Variants in PLXNC1 observed in about 807,000 individuals in gnomAD.
The protein encoded by PLXNC1 is plexin-C1.
PLXNC1 carries 75 observed loss-of-function variants against 178.2 expected under a neutral mutation model. That is an observed-to-expected ratio of 0.42 (90% CI 0.35 to 0.51). The LOEUF is 0.51. Among genes scored for constraint, PLXNC1 ranks in the 20% least tolerant of loss-of-function variants. The pLI is 0.02. For synonymous variants in PLXNC1, 790 were observed against 779.9 expected (o/e 1.01, Z -0.22); for missense variants, 1,503 against 1,984.4 (o/e 0.76, Z 4.61).
chr12:94,249,938 T>TGGGGGGG (rs1366591413), intron 14 of PLXNC1, among the ~76,000 whole-genome samples: 7 of 18,246 alleles, frequency 3.8e-4, no homozygotes, highest in African/African-American at 8.9e-4. Flanking sequence ...TGTGGGGGGG[T>TGGGGGGG]GGGGGGGTGG....
At chr12:94,211,850 G>A (rs979680095) in intron 5 of PLXNC1, among the ~76,000 whole-genome samples, 3 of 152,196 alleles carry the variant, frequency 2.0e-5, no homozygotes, top group African/African-American at 7.2e-5. Flanking sequence ...ATATGTTTAT[G>A]TATATATGTC....
intron 21 of PLXNC1, chr12:94,278,150 A>G (rs1197510355): frequency 2.5e-6 from 1 of 397,620 alleles, no homozygotes; most frequent in South Asian, 1.8e-5. Flanking sequence ...TAAAACCAAA[A>G]AAAACAAAAC....
intron 17 of PLXNC1, among the ~76,000 whole-genome samples, chr12:94,258,143 C>CA (rs1429318569): frequency 6.6e-6 from 1 of 152,084 alleles, no homozygotes; most frequent in Non-Finnish European, 1.5e-5. Flanking sequence ...ACAAAACAAA[C>CA]AAAAAAACAC....
At chr12:94,245,093 C>G (rs990833363) in intron 12 of PLXNC1, among the ~76,000 whole-genome samples, 1 of 152,222 alleles carries the variant, frequency 6.6e-6, no homozygotes, top group Non-Finnish European at 1.5e-5. Flanking sequence ...TGCACACATT[C>G]ACCTGCTGAC....
Position 94,281,299 on chromosome 12 carries a change from C to A in PLXNC1, c.3776-999C>A, listed in dbSNP as rs1054693913. Among the ~76,000 whole-genome samples the A allele has an allele frequency of 9.9e-5, 15 of 151,974 alleles. 1 individual carries two copies. Among genetic ancestry groups the A allele is most frequent in the Admixed American group, 2.6e-4 (4 of 15,256 alleles). On this transcript the variant is annotated intron_variant, in intron 22 of 30. Coordinates refer to ENST00000258526, the MANE Select transcript of PLXNC1 (RefSeq NM_005761.3). ...GTCTCCAAAAAAAACAAAAACAAAA[C>A]CAAAAAAAAGAAATCCAACACCAGA... is the stretch of plus-strand genomic sequence containing the variant.
chr12:94,283,170 G>A (rs1966575202), intron 23 of PLXNC1, among the ~76,000 whole-genome samples: 3 of 152,144 alleles, frequency 2.0e-5, no homozygotes, highest in Admixed American at 2.0e-4. Flanking sequence ...AGGACGGAGA[G>A]ACAAGTAGAG....
intron 8 of PLXNC1, 102 bp from the exon 9 acceptor site, chr12:94,227,047 A>C: frequency 2.4e-6 from 2 of 842,868 alleles, no homozygotes; most frequent in Non-Finnish European, 4.0e-6. Context: ...TTAACCAAAA[A>C]TAAATGTTTG....
intron 17 of PLXNC1, among the ~76,000 whole-genome samples, chr12:94,255,545 T>G (rs2136074759): frequency 6.6e-6 from 1 of 152,354 alleles, no homozygotes; most frequent in East Asian, 1.9e-4. Flanking sequence ...GGACAGAAGC[T>G]CAGAGTGATG....
chr12:94,245,330 A>C (rs1964497110), intron 12 of PLXNC1, among the ~76,000 whole-genome samples: 2 of 152,322 alleles, frequency 1.3e-5, no homozygotes, highest in South Asian at 4.1e-4. Flanking sequence ...CAGGGACAAA[A>C]GATAAGTGAG....
At position 94,260,110 on chromosome 12, in the gene PLXNC1, G is replaced by A. The variant is rs75046892; in HGVS notation, c.3251+376G>A. Among the ~76,000 whole-genome samples the A allele has an allele frequency of 0.015, 2,264 of 152,208 alleles. 51 individuals are homozygous for A. The highest frequency in any genetic ancestry group is 0.052 in the African/African-American group (2,143 of 41,520). ...GTCTCACTCTGTGGCCCAGGCTGAA[G>A]TGTGTGATCATAGGTCACTGCAGCC... On this transcript the variant is annotated intron_variant, in intron 19 of 30. Transcript: ENST00000258526. This position sits in a 1 kb window ranked among gnomAD's most constrained non-coding sequence, Gnocchi z 4.4.
chr12:94,196,318 C>T (rs913316435), intron 4 of PLXNC1, among the ~76,000 whole-genome samples: 1 of 152,096 alleles, frequency 6.6e-6, no homozygotes, highest in South Asian at 2.1e-4. Flanking sequence ...TTGGTGCTGT[C>T]CTTGGCAATA....
At chr12:94,181,676 G>A in intron 3 of PLXNC1, 96 bp downstream of exon 3, 2 of 1,116,624 alleles carry the variant, frequency 1.8e-6, no homozygotes, top group South Asian at 1.3e-5. Context: ...TTGAACTACA[G>A]AGTTTAAGCA....
At chr12:94,301,188 G>T in intron 28 of PLXNC1, 131 bp downstream of exon 28, 1 of 586,752 alleles carries the variant, frequency 1.7e-6, no homozygotes, top group African/African-American at 1.9e-5. Flanking sequence ...AAGGGCCACT[G>T]TCAATTTGCT....
chr12:94,275,821 C>G (rs1452041422), intron 21 of PLXNC1, among the ~76,000 whole-genome samples: 4 of 76,388 alleles, frequency 5.2e-5, no homozygotes, highest in Non-Finnish European at 9.9e-5. Context: ...CGCCACTGCA[C>G]TCCAGCCTGG....
Position 94,149,745 on chromosome 12 carries a change from C to T in PLXNC1, c.774C>T (p.Ala258=), listed in dbSNP as rs764356704. 19 of 1,611,242 alleles carry T rather than the reference C, an allele frequency of 1.2e-5. No individual in the cohort carries two copies. Among genetic ancestry groups the T allele is most frequent in the Non-Finnish European group, 1.5e-5 (18 of 1,179,498 alleles). The change falls in exon 1 of 31, where the codon GCC becomes GCT. Residue 258 remains alanine, a synonymous_variant. Coordinates refer to ENST00000258526, the MANE Select transcript of PLXNC1 (RefSeq NM_005761.3). ...CCTACAACTACACGAGCGGCGCTGC[C>T]ACCGGCTGGCCCAGCATGGCGCGCA... ...YYPYNYTSGA[A]TGWPSMARIA... is the part of the protein sequence containing the mutation.
chr12:94,215,753 T>C (rs1343293937), intron 5 of PLXNC1, among the ~76,000 whole-genome samples: 4 of 152,150 alleles, frequency 2.6e-5, no homozygotes, highest in Non-Finnish European at 5.9e-5. Context: ...ATAACTGGCT[T>C]ATACTATGGA....
At position 94,259,717 on chromosome 12, in the gene PLXNC1, C is replaced by A. The variant is rs1262215725; in HGVS notation, c.3234C>A (p.Asn1078Lys). 6.2e-7 allele frequency: 1 copy of A among 1,610,364 alleles called. No homozygotes were observed. ...TVIHTLEKQKNFSVKDRCLFA... is the reference protein window; with the variant it reads ...TVIHTLEKQKKFSVKDRCLFA... ...TCCACACCCTTGAAAAGCAGAAGAA[C>A]TTTTCTGTGAAGGACAGGTATTAGT... The change falls in exon 19 of 31, where the codon AAC (asparagine) becomes AAA (lysine). Residue 1078 changes from asparagine (N) to lysine (K), a missense_variant. This residue lies in a region of PLXNC1 where 639 missense variants were observed against 979.7 expected (regional missense o/e 0.65). Transcript: ENST00000258526.
At chr12:94,157,089 G>A (rs182963927) in intron 1 of PLXNC1, among the ~76,000 whole-genome samples, 1 of 152,266 alleles carries the variant, frequency 6.6e-6, no homozygotes, top group Admixed American at 6.5e-5. Context: ...AAGTTGCCAG[G>A]AGAGAGATAG....
In PLXNC1 at chr12:94,179,902, T is replaced by C. The variant is rs1417126473; in HGVS notation, c.1204-1544T>C. Reference sequence around the variant, plus strand: ...AATAAGGAAGGCACTATTAGCCCCATTTTAGAGATGAGGAAATTGAGGCCT... The same window carrying C: ...AATAAGGAAGGCACTATTAGCCCCACTTTAGAGATGAGGAAATTGAGGCCT... On this transcript the variant is annotated intron_variant, in intron 2 of 30. Transcript: ENST00000258526. 2.0e-5 allele frequency among the ~76,000 whole-genome samples: 3 copies of C among 152,276 alleles called. No individual in the cohort carries two copies. The East Asian group carries it at 5.8e-4, about 29-fold the overall frequency.
Sources: allele counts gnomAD v4.1 joint callset (sites outside exome capture counted in the v4.1 genomes callset), GRCh38; gene constraint gnomAD v4.1.1; regional missense constraint gnomAD v4.1.1; non-coding constraint Gnocchi (gnomAD v3.1); transcripts MANE v1.5; gene names NCBI Gene and HGNC (gene_info 2026-07-23, HGNC 2026-07-21).